LEMD2: variants seen among roughly 807,000 people sequenced by gnomAD.
The protein encoded by LEMD2 is LEM domain-containing protein 2.
LEMD2 carries 34 observed loss-of-function variants against 58.8 expected under a neutral mutation model. That is an observed-to-expected ratio of 0.58 (90% CI 0.44 to 0.77). The LOEUF (loss-of-function observed/expected upper bound fraction) is 0.77, where lower values mean the gene tolerates loss of function less well. LEMD2 is among the 30% of genes least tolerant of loss of function. The pLI, the probability that LEMD2 is intolerant of heterozygous loss-of-function variation, is 0.00. For missense variants in LEMD2, 629 were observed against 717.9 expected (o/e 0.88, Z 1.42); for synonymous variants, 298 against 308.9 (o/e 0.96, Z 0.37).
intron 5 of LEMD2, 109 bp downstream of exon 5, chr6:33,779,991 C>A: frequency 1.1e-6 from 1 of 914,132 alleles, no homozygotes; most frequent in Non-Finnish European, 1.7e-6. Flanking sequence ...GGAGACCCAG[C>A]CTCCAGCTTC....
Position 33,777,038 on chromosome 6 carries a change from T to C in LEMD2, c.1277A>G (p.Tyr426Cys). 1.2e-6 allele frequency: 2 copies of C among 1,614,152 alleles called. No individual in the cohort carries two copies. Among genetic ancestry groups the C allele is most frequent in the Non-Finnish European group, 1.7e-6 (2 of 1,179,970 alleles). Residue 426 changes from tyrosine to cysteine, a missense_variant, in exon 8 of 9, where the codon TAC (tyrosine) becomes TGC (cysteine). Tyr to Cys is a radical substitution (Grantham distance 194). Coordinates refer to ENST00000293760, the MANE Select transcript of LEMD2 (RefSeq NM_181336.4). Reference protein sequence around the residue: ...KKIIDVVQDHYVDWEQDMERY... With the variant: ...KKIIDVVQDHCVDWEQDMERY... ...CTCCATGTCCTGCTCCCAGTCCACG[T>C]AATGGTCCTGGACCACGTCTGCAGG...
chr6:33,777,131 C>T lies in LEMD2; in HGVS notation c.1258+7G>A. The stretch of plus-strand genomic sequence containing the variant: ...GGCAACCCTTTATTCACCAGGGGGC[C>T]ACGCACCTATAATCTTCTTCACCAT... On this transcript the variant is annotated splice_region_variant and intron_variant, in intron 7 of 8. Transcript: ENST00000293760. The T allele has an allele frequency of 6.2e-7, 1 of 1,612,942 alleles. No individual in the cohort carries two copies. The highest frequency in any genetic ancestry group is 8.5e-7 in the Non-Finnish European group (1 of 1,178,898).
At chr6:33,774,047 G>A (rs909324379) in intron 8 of LEMD2, among the ~76,000 whole-genome samples, 33 of 152,322 alleles carry the variant, frequency 2.2e-4, no homozygotes, top group African/African-American at 7.0e-4. Context: ...TGGTAGCTCC[G>A]GCTGCAGGCA....
At chr6:33,784,476 G>GGGGGGA in intron 2 of LEMD2, 49 bp from the exon 3 acceptor site, 2 of 410,650 alleles carry the variant, frequency 4.9e-6, no homozygotes, top group Admixed American at 2.6e-5. Flanking sequence ...GGGTGGGAGG[G>GGGGGGA]GTCCGTCTGT....
rs759107728 is a variant in LEMD2 at position 33,788,785 on chromosome 6, G to T, written c.332C>A (p.Ala111Glu). The T allele has an allele frequency of 4.8e-6, 7 of 1,453,172 alleles. No individual in the cohort carries two copies. The highest frequency in any genetic ancestry group is 6.3e-6 in the Non-Finnish European group (7 of 1,105,118). The allele number at this position is 1,453,172 out of a possible 1,614,324, so 90.0% of individuals were successfully genotyped here. ...PGAYGDIRPS[A>E]ASWVGSRGLA... ...GCCGCGGCTCCCTACCCAGGAAGCC[G>T]CGGAGGGCCGGATATCACCGTAGGC... The change falls in exon 1 of 9, where the codon GCG (alanine) becomes GAG (glutamate). Residue 111 changes from alanine to glutamate, a missense_variant. Around this residue, in one of 2 missense-constraint regions of LEMD2, gnomAD observed 386 missense variants for 381.1 expected, o/e 1.01. Coordinates refer to ENST00000293760, the MANE Select transcript of LEMD2 (RefSeq NM_181336.4).
intron 6 of LEMD2, among the ~76,000 whole-genome samples, chr6:33,777,931 C>CT: frequency 6.6e-6 from 1 of 152,348 alleles, no homozygotes; most frequent in South Asian, 2.1e-4. Flanking sequence ...ACTGGGATCC[C>CT]TGCAGAGCCC....
At position 33,788,922 on chromosome 6, in the gene LEMD2, C is replaced by A; in HGVS notation, c.195G>T (p.Glu65Asp). 1 of 1,480,450 alleles carries A rather than the reference C, an allele frequency of 6.8e-7. No individual in the cohort carries two copies. Among genetic ancestry groups the A allele is most frequent in the East Asian group, 2.9e-5 (1 of 34,924 alleles). 91.7% of individuals were successfully genotyped at this position (1,480,450 alleles called of 1,614,324 possible). A position where few individuals can be genotyped will look rare whatever the true frequency, so the allele number is the denominator to read the frequency against. The change falls in exon 1 of 9, where the codon GAG becomes GAT. Residue 65 changes from glutamate to aspartate, a missense_variant. This residue lies in a region of LEMD2 where 386 missense variants were observed against 381.1 expected (regional missense o/e 1.01). Transcript: ENST00000293760. ...RPRGEERLRE[E>D]ARLREDAPLR... ...GCGGCGCATCCTCGCGTAACCGGGC[C>A]TCTTCCCGTAACCGCTCCTCGCCCC...
At chr6:33,788,349 A>G in intron 1 of LEMD2, 32 bp downstream of exon 1, 1 of 1,518,426 alleles carries the variant, frequency 6.6e-7, no homozygotes, top group Non-Finnish European at 8.9e-7. Flanking sequence ...ACGCGCGCCC[A>G]GGGCCCTCCC....
chr6:33,788,462 G>C lies in LEMD2; in HGVS notation c.655C>G (p.Leu219Val). ...CCCAGGAAGACGAGCAGTAGCCCTA[G>C]GCTGGCCCAGAGCAGAAGCCGAGAG... ...WLSRLLLWAS[L>V]GLLLVFLGIL... Residue 219 changes from leucine (L) to valine (V), a missense_variant, in exon 1 of 9, where the codon CTA becomes GTA. This residue lies in a region of LEMD2 where 386 missense variants were observed against 381.1 expected (regional missense o/e 1.01). Transcript: ENST00000293760. 2 of 1,569,114 alleles carry C rather than the reference G, an allele frequency of 1.3e-6. No individual in the cohort carries two copies. The highest frequency in any genetic ancestry group is 1.7e-6 in the Non-Finnish European group (2 of 1,158,608).
intron 2 of LEMD2, among the ~76,000 whole-genome samples, chr6:33,785,870 C>T (rs571966703): frequency 4.6e-5 from 7 of 152,216 alleles, no homozygotes; most frequent in Non-Finnish European, 8.8e-5. Context: ...CTATGACACA[C>T]CCGAAGCCAA....
In LEMD2 at chr6:33,789,092, G is replaced by T; in HGVS notation, c.25C>A (p.Leu9Met). MAGLSDLE[L>M]RRELQALGFQ... ...CCCAGGGCCTGCAGCTCCCGCCGCA[G>T]TTCCAGGTCCGACAGGCCGGCCATG... Residue 9 changes from leucine (L) to methionine (M), a missense_variant, in exon 1 of 9, where the codon CTG becomes ATG. Leu to Met is a conservative substitution (Grantham distance 15). Coordinates refer to ENST00000293760, the MANE Select transcript of LEMD2 (RefSeq NM_181336.4). 6.5e-7 allele frequency: 1 copy of T among 1,539,272 alleles called. No homozygotes were observed. The highest frequency in any genetic ancestry group is 1.2e-5 in the South Asian group (1 of 84,630).
intron 4 of LEMD2, among the ~76,000 whole-genome samples, chr6:33,780,836 C>A (rs1049283724): frequency 6.6e-6 from 1 of 152,192 alleles, no homozygotes; most frequent in African/African-American, 2.4e-5. Context: ...ACCTACAGTG[C>A]AGCAGTCAGG....
chr6:33,777,090 C>T, intron 7 of LEMD2, 34 bp from the exon 8 acceptor site: 1 of 1,611,140 alleles, frequency 6.2e-7, no homozygotes, highest in Non-Finnish European at 8.5e-7. Flanking sequence ...AGGGCAAGGA[C>T]CCTCTGGCTG....
At chr6:33,780,001 C>T (rs987413172) in intron 5 of LEMD2, 99 bp downstream of exon 5, 2 of 1,045,352 alleles carry the variant, frequency 1.9e-6, no homozygotes, top group Non-Finnish European at 2.9e-6. Context: ...CCTCCAGCTT[C>T]AGACCTGAGA....
At chr6:33,776,929 C>A (rs1335333875) in intron 8 of LEMD2, 25 bp downstream of exon 8, 1 of 1,596,940 alleles carries the variant, frequency 6.3e-7, no homozygotes, top group Non-Finnish European at 8.6e-7. Flanking sequence ...TTACCTCACA[C>A]CCAGCGCCCC....
At chr6:33,786,573 A>G (rs997559652) in intron 2 of LEMD2, among the ~76,000 whole-genome samples, 161 bp downstream of exon 2, 7 of 152,222 alleles carry the variant, frequency 4.6e-5, no homozygotes, top group Admixed American at 1.3e-4. Context: ...CACTGCCACA[A>G]TTGAGCCTGA....
chr6:33,777,641 G>A (rs973970243), intron 6 of LEMD2, among the ~76,000 whole-genome samples: 1 of 152,176 alleles, frequency 6.6e-6, no homozygotes, highest in Non-Finnish European at 1.5e-5. Context: ...GGAGGGAGCT[G>A]TGTGCACACT....
At chr6:33,785,421 T>A (rs1040617201) in intron 2 of LEMD2, among the ~76,000 whole-genome samples, 2 of 152,172 alleles carry the variant, frequency 1.3e-5, no homozygotes, top group Non-Finnish European at 2.9e-5. Flanking sequence ...AGGTGCTGAA[T>A]GCCGTCTGCC....
In LEMD2 at chr6:33,788,878, G is replaced by A. The variant is rs763749106; in HGVS notation, c.239C>T (p.Ala80Val). 1,212 of 1,375,648 alleles carry A rather than the reference G, an allele frequency of 8.8e-4. 2 individuals are homozygous for A. The highest frequency in any genetic ancestry group is 1.1e-3 in the Non-Finnish European group (1,170 of 1,073,284). The allele number at this position is 1,375,648 out of a possible 1,614,324, so 85.2% of individuals were successfully genotyped here. Residue 80 changes from alanine (A) to valine (V), a missense_variant, in exon 1 of 9, where the codon GCG (alanine) becomes GTG (valine). Transcript: ENST00000293760. ...CCAGGGCTCCGCCCGCGGAGAGGCCGCGGCGGGCCGGGCGCGCAGCGGCGC... is the reference window on the plus strand; with the variant it reads ...CCAGGGCTCCGCCCGCGGAGAGGCCACGGCGGGCCGGGCGCGCAGCGGCGC... ...EDAPLRARPA[A>V]ASPRAEPWLS...
Sources: allele counts gnomAD v4.1 joint callset (sites outside exome capture counted in the v4.1 genomes callset), GRCh38; gene constraint gnomAD v4.1.1; regional missense constraint gnomAD v4.1.1; transcripts MANE v1.5; gene names NCBI Gene and HGNC (gene_info 2026-07-23, HGNC 2026-07-21).